The following ITGA8 variants were observed in gnomAD, a reference collection of about 807,000 sequenced individuals.
The protein encoded by ITGA8 is integrin alpha-8.
In ITGA8, 91 loss-of-function variants were observed where a neutral mutation model predicts 142.3. That is an observed-to-expected ratio of 0.64 (90% confidence interval 0.54 to 0.76). The LOEUF is 0.76. Ranked by LOEUF, ITGA8 falls within the 30% of genes least tolerant of loss-of-function variation. The probability of loss-of-function intolerance (pLI) is 0.00; values close to 1 mark genes in which losing one functional copy is unlikely to be tolerated. For missense variants in ITGA8, 1,406 were observed against 1,327.7 expected, an observed-to-expected ratio of 1.06 and a Z score of -0.92; for synonymous variants, 505 against 485.2, an observed-to-expected ratio of 1.04 and a Z score of -0.54.
chr10:15,698,431 C>A (rs1222320605), intron 2 of ITGA8, among the ~76,000 whole-genome samples: 1 of 152,106 alleles, frequency 6.6e-6, no homozygotes, highest in African/African-American at 2.4e-5. Flanking sequence ...ATACCTAGTA[C>A]TGGGATTGCT....
chr10:15,718,218 T>C (rs1446649818), intron 2 of ITGA8, among the ~76,000 whole-genome samples: 2 of 152,202 alleles, frequency 1.3e-5, no homozygotes, highest in South Asian at 2.1e-4. Context: ...TGGAAATGAA[T>C]GTAATCCATC....
At chr10:15,580,144 A>G (rs1834381653) in intron 23 of ITGA8, among the ~76,000 whole-genome samples, 1 of 150,968 alleles carries the variant, frequency 6.6e-6, no homozygotes, top group Admixed American at 6.6e-5. Flanking sequence ...AAAAAAAAAA[A>G]AAAGAGAAAA....
Position 15,517,034 on chromosome 10 carries a change from GGTCCCCTC to G in ITGA8, c.*116_*123del. ...GGTGTAGATGAGGTGATGTTTCCAG[GGTCCCCTC>G]CATTTCCTGGGTCACTGTCAGGTAT... On this transcript the variant is annotated 3_prime_UTR_variant, in exon 30 of 30. Transcript: ENST00000378076. The G allele has an allele frequency of 2.0e-6, 1 of 501,756 alleles. No homozygotes were observed. The highest frequency in any genetic ancestry group is 3.3e-6 in the Non-Finnish European group (1 of 305,816). The allele number at this position is 501,756 out of a possible 1,614,324, so 31.1% of individuals were successfully genotyped here.
chr10:15,670,177 A>G (rs1834484468), intron 8 of ITGA8, among the ~76,000 whole-genome samples: 1 of 152,214 alleles, frequency 6.6e-6, no homozygotes, highest in Non-Finnish European at 1.5e-5. Context: ...CACTTGCATT[A>G]GTGAAATGCA....
rs1832942630 is a variant in ITGA8 at position 15,592,400 on chromosome 10, A to G, written c.2212-96T>C. On this transcript the variant is annotated intron_variant, in intron 21 of 29. Coordinates refer to ENST00000378076, the MANE Select transcript of ITGA8 (RefSeq NM_003638.3). ...GCAAAACCCCACCCTGGATCACTGT[A>G]ACTCTTTCCTTTGTTCTGCTTCTAC... 9 of 884,988 alleles carry G rather than the reference A, an allele frequency of 1.0e-5. No homozygotes were observed. In the Admixed American group the frequency reaches 1.6e-4, roughly 15 times the overall value. 54.8% of individuals were successfully genotyped at this position (884,988 alleles called of 1,614,324 possible). A position where few individuals can be genotyped will look rare whatever the true frequency, so the allele number is the denominator to read the frequency against.
At chr10:15,708,557 G>A (rs142219599) in intron 2 of ITGA8, among the ~76,000 whole-genome samples, 2 of 152,188 alleles carry the variant, frequency 1.3e-5, no homozygotes, top group Middle Eastern at 3.4e-3. Flanking sequence ...TATTTGAACT[G>A]AGTGTCCTAA....
At chr10:15,626,223 T>C (rs1478734003) in intron 13 of ITGA8, among the ~76,000 whole-genome samples, 1 of 152,026 alleles carries the variant, frequency 6.6e-6, no homozygotes, top group East Asian at 1.9e-4. Context: ...AGATGTTCTT[T>C]CTTTTCTTTT....
chr10:15,644,063 C>T lies in ITGA8; in HGVS notation c.1366G>A (p.Gly456Arg). 2 of 1,613,926 alleles carry T rather than the reference C, an allele frequency of 1.2e-6. No individual in the cohort carries two copies. The highest frequency in any genetic ancestry group is 1.7e-6 in the Non-Finnish European group (2 of 1,179,924). Reference sequence around the variant, plus strand: ...TCATTCTTGTCTATGTCTGAATCTCCTCTTAAAGTAAAGCCAAATCCGGAA... The same window carrying T: ...TCATTCTTGTCTATGTCTGAATCTCTTCTTAAAGTAAAGCCAAATCCGGAA... ...VPSGFGFTLR[G>R]DSDIDKNDYP... Residue 456 changes from glycine to arginine, a missense_variant, in exon 13 of 30, where the codon GGA becomes AGA. By Grantham distance (125) the Gly-to-Arg change is moderately radical. Coordinates refer to ENST00000378076, the MANE Select transcript of ITGA8 (RefSeq NM_003638.3).
rs139773251 is a variant in ITGA8, at chr10:15,690,326, A to C, written c.344-2288T>G. On this transcript the variant is annotated intron_variant, in intron 2 of 29. Transcript: ENST00000378076. Reference sequence around the variant, plus strand: ...AGAACCTGAATTGCAGCTGTGCCCTACTTTCCAGGGCCTGAGCCTCTGAAA... The same window carrying C: ...AGAACCTGAATTGCAGCTGTGCCCTCCTTTCCAGGGCCTGAGCCTCTGAAA... Among the ~76,000 whole-genome samples the C allele has an allele frequency of 1.2e-3, 175 of 152,172 alleles. 1 individual carries two copies. The highest frequency in any genetic ancestry group is 3.3e-3 in the African/African-American group (139 of 41,528).
At chr10:15,593,591 A>C (rs1020568114) in intron 21 of ITGA8, among the ~76,000 whole-genome samples, 6 of 152,236 alleles carry the variant, frequency 3.9e-5, no homozygotes, top group African/African-American at 1.4e-4. Context: ...TCATATTCAC[A>C]TGAATCAGTA....
At chr10:15,614,702 A>G (rs1249305746) in intron 14 of ITGA8, among the ~76,000 whole-genome samples, 1 of 152,196 alleles carries the variant, frequency 6.6e-6, no homozygotes, top group Non-Finnish European at 1.5e-5. Context: ...GTTTCCCCCC[A>G]ACAAGAAGAA....
Position 15,677,644 on chromosome 10 carries a change from A to C in ITGA8, c.631-7T>G, listed in dbSNP as rs763246644. 2.5e-6 allele frequency: 4 copies of C among 1,611,994 alleles called. No individual in the cohort carries two copies. In the East Asian group the frequency reaches 8.9e-5, roughly 36 times the overall value. The stretch of plus-strand genomic sequence containing the variant: ...CCACAATAAGGTCTCCATTCTACAA[A>C]ACAGAAACAGCAACAGCAACCATAA... On this transcript the variant is annotated splice_polypyrimidine_tract_variant and splice_region_variant and intron_variant, in intron 5 of 29. Transcript: ENST00000378076.
intron 27 of ITGA8, among the ~76,000 whole-genome samples, chr10:15,546,979 T>C (rs1046802599): frequency 2.6e-5 from 4 of 152,028 alleles, no homozygotes; most frequent in Non-Finnish European, 5.9e-5. Context: ...TTGACGAGAC[T>C]GTAGAAGCAT....
rs1344968191 is a variant in ITGA8, at chr10:15,574,777, GACATTCAGTTTAAAAGATGAGTGGGTA to G, written c.2478+685_2478+711del. Reference sequence around the variant, plus strand: ...TTCTGTCTGGTACCTTCTAGTTGGTGACATTCAGTTTAAAAGATGAGTGGGTAACCTTCAGTTTAAAAGATATAAACA... The same window carrying G: ...TTCTGTCTGGTACCTTCTAGTTGGTGACCTTCAGTTTAAAAGATATAAACA... On this transcript the variant is annotated intron_variant, in intron 24 of 29. Transcript: ENST00000378076. Among the ~76,000 whole-genome samples the G allele has an allele frequency of 2.0e-5, 3 of 151,826 alleles. No homozygotes were observed. The East Asian group carries it at 5.8e-4, about 29-fold the overall frequency.
intron 9 of ITGA8, 52 bp from the exon 10 acceptor site, chr10:15,659,107 C>CT (rs776673682): frequency 2.3e-6 from 3 of 1,284,384 alleles, no homozygotes; most frequent in Admixed American, 2.5e-5. Flanking sequence ...GAATTGGAGC[C>CT]TTTTTTAAAA....
Position 15,609,346 on chromosome 10 carries a change from G to C in ITGA8, c.1554-1056C>G, listed in dbSNP as rs138632412. The stretch of plus-strand genomic sequence containing the variant: ...AAACTTTTACCAGTAAAATACTATA[G>C]TATGATGTGGATATTTCTACAGAAT... On this transcript the variant is annotated intron_variant, in intron 15 of 29. Coordinates refer to ENST00000378076, the MANE Select transcript of ITGA8 (RefSeq NM_003638.3). Among the ~76,000 whole-genome samples the C allele has an allele frequency of 1.2e-4, 19 of 152,262 alleles. No individual in the cohort carries two copies. In the East Asian group the frequency reaches 3.3e-3, roughly 26 times the overall value.
At chr10:15,621,278 C>A (rs1833486281) in intron 13 of ITGA8, among the ~76,000 whole-genome samples, 1 of 151,416 alleles carries the variant, frequency 6.6e-6, no homozygotes, top group Admixed American at 6.6e-5. Context: ...CCTCACGTTG[C>A]CTGAGAAACA....
chr10:15,665,657 A>G (rs530273808), intron 8 of ITGA8, among the ~76,000 whole-genome samples: 20 of 152,302 alleles, frequency 1.3e-4, no homozygotes, highest in Middle Eastern at 6.8e-3. Context: ...TAGGTCTAAC[A>G]TTTAAGTCTT....
chr10:15,661,539 C>G (rs9333106), intron 8 of ITGA8, among the ~76,000 whole-genome samples: 108 of 152,286 alleles, frequency 7.1e-4, no homozygotes, highest in African/African-American at 2.5e-3. Context: ...TACTTTATGT[C>G]TTCATTACGA....
Sources: gnomAD v4.1 joint callset for allele counts (sites outside exome capture counted in the v4.1 genomes callset) on GRCh38, gnomAD v4.1.1 for gene constraint, MANE v1.5 for transcripts, NCBI Gene and HGNC (gene_info 2026-07-23, HGNC 2026-07-21) for gene names.